The following NRXN3 variants were observed in gnomAD, a reference collection of about 807,000 sequenced individuals.
NRXN3 encodes the protein neurexin 3.
NRXN3 carries 32 observed loss-of-function variants against 137.6 expected under a neutral mutation model. The observed-to-expected ratio is 0.23, with a 90% CI of 0.18 to 0.31. The LOEUF (loss-of-function observed/expected upper bound fraction) is 0.31, where lower values mean the gene tolerates loss of function less well. NRXN3 is among the 10% of genes least tolerant of loss of function. The probability of loss-of-function intolerance (pLI) is 1.00; values close to 1 mark genes in which losing one functional copy is unlikely to be tolerated. For missense variants in NRXN3, 1,574 were observed against 2,062.5 expected (o/e 0.76, Z 4.59); for synonymous variants, 798 against 784.5 (o/e 1.02, Z -0.29).
At chr14:78,385,448 T>C (rs1055915811) in intron 4 of NRXN3, among the ~76,000 whole-genome samples, 2 of 152,174 alleles carry the variant, frequency 1.3e-5, no homozygotes, top group African/African-American at 4.8e-5. Flanking sequence ...TGAAATTAAT[T>C]GTGTTAAAAA....
intron 4 of NRXN3, among the ~76,000 whole-genome samples, chr14:78,585,905 G>A (rs1399405339): frequency 6.6e-6 from 1 of 152,168 alleles, no homozygotes; most frequent in Non-Finnish European, 1.5e-5. Flanking sequence ...TAGAATTATG[G>A]ATTTGAGAAT....
chr14:79,207,190 G>C (rs2066908170), intron 15 of NRXN3, among the ~76,000 whole-genome samples: 3 of 152,110 alleles, frequency 2.0e-5, no homozygotes, highest in South Asian at 4.1e-4. Context: ...CTTGGGTTAC[G>C]GTTCTCAGTA....
chr14:79,363,649 T>G (rs760949272), intron 15 of NRXN3, among the ~76,000 whole-genome samples: 3 of 151,628 alleles, frequency 2.0e-5, no homozygotes, highest in Non-Finnish European at 2.9e-5. Flanking sequence ...TGAAGACAAA[T>G]TAGTCCTTTA....
chr14:79,592,588 T>C (rs1018248963), intron 16 of NRXN3, among the ~76,000 whole-genome samples: 5 of 152,142 alleles, frequency 3.3e-5, no homozygotes, highest in African/African-American at 1.2e-4. Context: ...CAATTTCTAC[T>C]GATAGTTAAG....
chr14:79,451,920 C>T (rs1157690768), intron 15 of NRXN3, among the ~76,000 whole-genome samples: 3 of 152,104 alleles, frequency 2.0e-5, no homozygotes, highest in African/African-American at 7.2e-5. Context: ...TCTCGGGAAG[C>T]AGACCCAGCG....
rs185690438 is a variant in NRXN3 at position 78,935,453 on chromosome 14, C to A, written c.2276-21789C>A. Reference sequence around the variant, plus strand: ...AATTTGAGGATGCTCAAATCCCTGACAAAATGGCATAGTATTTGCATGTAA... The same window carrying A: ...AATTTGAGGATGCTCAAATCCCTGAAAAAATGGCATAGTATTTGCATGTAA... On this transcript the variant is annotated intron_variant, in intron 10 of 20. Coordinates refer to ENST00000335750, the MANE Select transcript of NRXN3 (RefSeq NM_001330195.2). Among the ~76,000 whole-genome samples, 3 of 152,264 alleles carry A rather than the reference C, an allele frequency of 2.0e-5. No homozygotes were observed. The East Asian group carries it at 5.8e-4, about 29-fold the overall frequency.
intron 1 of NRXN3, among the ~76,000 whole-genome samples, chr14:78,237,401 CTGTT>C (rs1314025880): frequency 6.6e-6 from 1 of 152,194 alleles, no homozygotes; most frequent in African/African-American, 2.4e-5. Flanking sequence ...CACTAGAAAT[CTGTT>C]TGTATCTATT....
At chr14:78,525,957 A>G (rs538655321) in intron 4 of NRXN3, among the ~76,000 whole-genome samples, 2 of 152,268 alleles carry the variant, frequency 1.3e-5, no homozygotes, top group South Asian at 2.1e-4. Flanking sequence ...CTAAATTCAC[A>G]TTTCTGGATT....
intron 1 of NRXN3, among the ~76,000 whole-genome samples, chr14:78,224,404 T>A (rs1256341852): frequency 2.0e-5 from 3 of 152,066 alleles, no homozygotes; most frequent in African/African-American, 7.2e-5. Context: ...TAGGTATATC[T>A]CCTAATGCTA....
chr14:78,240,392 G>C (rs1190580907), intron 1 of NRXN3, among the ~76,000 whole-genome samples: 1 of 152,198 alleles, frequency 6.6e-6, no homozygotes, highest in Non-Finnish European at 1.5e-5. Context: ...ATAAGCCCCT[G>C]GCTGGTCCCA....
intron 14 of NRXN3, among the ~76,000 whole-genome samples, chr14:78,980,866 A>G (rs948110444): frequency 6.6e-6 from 1 of 152,222 alleles, no homozygotes; most frequent in Non-Finnish European, 1.5e-5. Flanking sequence ...GAAAGTCACC[A>G]TCTTTTCTCA....
At chr14:78,657,804 G>T (rs772610135) in intron 6 of NRXN3, among the ~76,000 whole-genome samples, 1 of 152,056 alleles carries the variant, frequency 6.6e-6, no homozygotes, top group Non-Finnish European at 1.5e-5. Context: ...TGGCACCTGC[G>T]GGCTTTGGGA....
At chr14:79,561,397 TAA>T (rs1374493137) in intron 16 of NRXN3, among the ~76,000 whole-genome samples, 1 of 152,168 alleles carries the variant, frequency 6.6e-6, no homozygotes, top group Non-Finnish European at 1.5e-5. Flanking sequence ...TAGCAAGAAG[TAA>T]AAGACAGAGC....
intron 16 of NRXN3, among the ~76,000 whole-genome samples, chr14:79,508,389 G>GTTTTTTTTTTTTTTTTTTTTT (rs1567328889): frequency 3.2e-4 from 4 of 12,550 alleles, no homozygotes; most frequent in South Asian, 4.1e-3. Context: ...AACAATAACT[G>GTTTTTTTTTTTTTTTTTTTTT]ATTTTTTTTT....
intron 16 of NRXN3, among the ~76,000 whole-genome samples, chr14:79,593,648 A>AAAAAAAAAAT (rs2097833094): frequency 6.6e-6 from 1 of 151,864 alleles, no homozygotes; most frequent in Non-Finnish European, 1.5e-5. Flanking sequence ...AAAAAAAAAA[A>AAAAAAAAAAT]AAAATTACCT....
At chr14:79,529,257 G>A (rs1462976890) in intron 16 of NRXN3, among the ~76,000 whole-genome samples, 2 of 152,124 alleles carry the variant, frequency 1.3e-5, no homozygotes, top group African/African-American at 2.4e-5. Context: ...TGCATGCACC[G>A]GTGGTCAGAG....
chr14:79,173,776 A>C (rs903064222), intron 15 of NRXN3, among the ~76,000 whole-genome samples: 3 of 152,118 alleles, frequency 2.0e-5, no homozygotes, highest in African/African-American at 4.8e-5. Context: ...AACTGAGCTC[A>C]TTCTACCTGT....
At chr14:79,711,861 G>A (rs1315704785) in intron 19 of NRXN3, among the ~76,000 whole-genome samples, 4 of 152,136 alleles carry the variant, frequency 2.6e-5, no homozygotes, top group Non-Finnish European at 5.9e-5. Context: ...GATGGAGCTG[G>A]GGGGATCTAT....
At chr14:78,635,065 G>A (rs2097555990) in intron 4 of NRXN3, among the ~76,000 whole-genome samples, 1 of 152,122 alleles carries the variant, frequency 6.6e-6, no homozygotes, top group South Asian at 2.1e-4. Flanking sequence ...AATATCTGTA[G>A]GAAGTTTCAC....
Sources: allele counts gnomAD v4.1 joint callset (sites outside exome capture counted in the v4.1 genomes callset), GRCh38; gene constraint gnomAD v4.1.1; transcripts MANE v1.5; gene names NCBI Gene and HGNC (gene_info 2026-07-23, HGNC 2026-07-21).